The following TTBK1 variants were observed in gnomAD, a reference collection of about 807,000 sequenced individuals.
TTBK1 encodes the protein tau-tubulin kinase 1.
TTBK1 carries 34 observed loss-of-function variants against 108.5 expected under a neutral mutation model. That is an observed-to-expected ratio of 0.31 (90% CI 0.24 to 0.42). TTBK1 has a LOEUF of 0.42. Ranked by LOEUF, TTBK1 falls within the 10% of genes least tolerant of loss-of-function variation. The pLI is 1.00. For missense variants in TTBK1, 1,539 were observed against 1,826.0 expected (o/e 0.84, Z 2.86); for synonymous variants, 809 against 795.1 (o/e 1.02, Z -0.29).
Position 43,283,541 on chromosome 6 carries a change from C to T in TTBK1, c.2801C>T (p.Ala934Val), listed in dbSNP as rs1337399132. 2.5e-6 allele frequency: 4 copies of T among 1,614,118 alleles called. No homozygotes were observed. Among genetic ancestry groups the T allele is most frequent in the Admixed American group, 1.7e-5 (1 of 60,024 alleles). ...GTTGAGAGGACCTTTGTGCACATTGCGGAGAAAACCCACCTCAACGTCATG... is the reference window on the plus strand; with the variant it reads ...GTTGAGAGGACCTTTGTGCACATTGTGGAGAAAACCCACCTCAACGTCATG... ...TKVERTFVHI[A>V]EKTHLNVMSS... is the part of the protein sequence containing the mutation. Residue 934 changes from alanine to valine, a missense_variant, in exon 14 of 15, where the codon GCG becomes GTG. This residue lies in a region of TTBK1 where 1,055 missense variants were observed against 1,086.5 expected (regional missense o/e 0.97). Transcript: ENST00000259750. The surrounding 1 kb of genome is among the most constrained non-coding windows in gnomAD (Gnocchi z 8.1).
chr6:43,277,381 G>C (rs1467180188), intron 13 of TTBK1, among the ~76,000 whole-genome samples: 1 of 152,142 alleles, frequency 6.6e-6, no homozygotes, highest in Non-Finnish European at 1.5e-5. Flanking sequence ...ACTGGAGAGA[G>C]AGGGGAAAGG....
At position 43,263,472 on chromosome 6, in the gene TTBK1, A is replaced by G; in HGVS notation, c.1986+122A>G. 3 of 989,526 alleles carry G rather than the reference A, an allele frequency of 3.0e-6. No individual in the cohort carries two copies. Among genetic ancestry groups the G allele is most frequent in the South Asian group, 5.0e-5 (2 of 40,126 alleles). The allele number at this position is 989,526 out of a possible 1,614,324, so 61.3% of individuals were successfully genotyped here. Reference sequence around the variant, plus strand: ...GTAAGCCAGCAGTCACAGGGCTGTGATGGAGGTAGACAGGCTTAAGGGTCT... The same window carrying G: ...GTAAGCCAGCAGTCACAGGGCTGTGGTGGAGGTAGACAGGCTTAAGGGTCT... On this transcript the variant is annotated intron_variant, in intron 13 of 14. Transcript: ENST00000259750. This position sits in a 1 kb window ranked among gnomAD's most constrained non-coding sequence, Gnocchi z 4.7.
At position 43,259,254 on chromosome 6, in the gene TTBK1, G is replaced by T. The variant is rs1777462156; in HGVS notation, c.1233G>T (p.Arg411=). 2 of 1,554,090 alleles carry T rather than the reference G, an allele frequency of 1.3e-6. No individual in the cohort carries two copies. The highest frequency in any genetic ancestry group is 2.3e-5 in the East Asian group (1 of 44,078). The part of the protein sequence containing the change: ...EETDVNRNKL[R]INIGKSPCVE... ...CAGATGTCAACCGGAACAAACTCCG[G>T]ATCAACATCGGCAAAGTAACTGCCG... Residue 411 remains arginine (R), a synonymous_variant, in exon 11 of 15, where the codon CGG becomes CGT. Coordinates refer to ENST00000259750, the MANE Select transcript of TTBK1 (RefSeq NM_032538.3). The surrounding 1 kb of genome is among the most constrained non-coding windows in gnomAD (Gnocchi z 6.7).
intron 13 of TTBK1, among the ~76,000 whole-genome samples, chr6:43,266,447 G>A (rs1445373340): frequency 6.6e-6 from 1 of 152,174 alleles, no homozygotes; most frequent in Non-Finnish European, 1.5e-5. Context: ...CAACAACACT[G>A]TGAACAGGGA....
At chr6:43,281,420 G>A (rs1232922382) in intron 13 of TTBK1, among the ~76,000 whole-genome samples, 2 of 151,882 alleles carry the variant, frequency 1.3e-5, no homozygotes, top group Non-Finnish European at 1.5e-5. Flanking sequence ...TAAGGACTGT[G>A]GCAGCCATAG....
intron 13 of TTBK1, among the ~76,000 whole-genome samples, chr6:43,279,524 C>T (rs947551342): frequency 3.3e-5 from 5 of 152,060 alleles, no homozygotes; most frequent in African/African-American, 1.2e-4. Context: ...CAGCACCCAC[C>T]CACCCCATGG....
chr6:43,263,282 C>T lies in TTBK1; in HGVS notation c.1918C>T (p.His640Tyr). 1 of 1,525,148 alleles carries T rather than the reference C, an allele frequency of 6.6e-7. No individual in the cohort carries two copies. The highest frequency in any genetic ancestry group is 8.8e-7 in the Non-Finnish European group (1 of 1,133,716). 94.5% of individuals were successfully genotyped at this position (1,525,148 alleles called of 1,614,324 possible). A position where few individuals can be genotyped will look rare whatever the true frequency, so the allele number is the denominator to read the frequency against. The change falls in exon 13 of 15, where the codon CAC becomes TAC. Residue 640 changes from histidine (H) to tyrosine (Y), a missense_variant. By Grantham distance (83) the His-to-Tyr change is moderately conservative. Coordinates refer to ENST00000259750, the MANE Select transcript of TTBK1 (RefSeq NM_032538.3). This position sits in a 1 kb window ranked among gnomAD's most constrained non-coding sequence, Gnocchi z 4.7. ...SQPPTPGSPSHSPLHSGPRPR... is the reference protein window; with the variant it reads ...SQPPTPGSPSYSPLHSGPRPR... ...GCCCCCCACGCCTGGCAGCCCTTCC[C>T]ACTCACCCCTGCACTCGGGACCCCG...
In TTBK1 at chr6:43,269,852, G is replaced by T; in HGVS notation, c.1986+6502G>T. ...TGCGGGCGCCCCACCGGCGCCACGC[G>T]CCCCTCGCTGCTGGCAACCACAGAC... On this transcript the variant is annotated intron_variant, in intron 13 of 14. Coordinates refer to ENST00000259750, the MANE Select transcript of TTBK1 (RefSeq NM_032538.3). The surrounding 1 kb of genome is among the most constrained non-coding windows in gnomAD (Gnocchi z 4.8). 2.6e-6 allele frequency: 4 copies of T among 1,533,788 alleles called. No individual in the cohort carries two copies. Among genetic ancestry groups the T allele is most frequent in the Non-Finnish European group, 2.6e-6 (3 of 1,145,410 alleles).
At chr6:43,271,866 G>GGGCCCCCC in intron 13 of TTBK1, 1 of 979,726 alleles carries the variant, frequency 1.0e-6, no homozygotes. Flanking sequence ...TAATACTTGT[G>GGGCCCCCC]CCCCACCCCC....
rs1233063137 is a variant in TTBK1 at position 43,253,723 on chromosome 6, C to G, written c.471+15C>G. 3 of 1,606,322 alleles carry G rather than the reference C, an allele frequency of 1.9e-6. No homozygotes were observed. The highest frequency in any genetic ancestry group is 2.6e-6 in the Non-Finnish European group (3 of 1,175,838). ...ACATCAAGCCTGTGAGTACTGCCCC[C>G]ACACGCCTCTCTGTTCCCTCCTCCA... On this transcript the variant is annotated intron_variant, in intron 5 of 14. Coordinates refer to ENST00000259750, the MANE Select transcript of TTBK1 (RefSeq NM_032538.3). This position sits in a 1 kb window ranked among gnomAD's most constrained non-coding sequence, Gnocchi z 5.8.
intron 13 of TTBK1, among the ~76,000 whole-genome samples, chr6:43,267,427 C>T (rs1449937561): frequency 6.6e-6 from 1 of 152,130 alleles, no homozygotes; most frequent in Non-Finnish European, 1.5e-5. Context: ...CCCTCTTTCC[C>T]ACCACCTTTT....
intron 2 of TTBK1, 56 bp downstream of exon 2, chr6:43,246,824 C>T: frequency 6.9e-7 from 1 of 1,454,692 alleles, no homozygotes; most frequent in South Asian, 1.3e-5. Context: ...AGGCGAGGAC[C>T]TGGAGACTTG....
intron 13 of TTBK1, among the ~76,000 whole-genome samples, chr6:43,272,883 C>G (rs1006303684): frequency 1.5e-4 from 22 of 151,382 alleles, no homozygotes; most frequent in Non-Finnish European, 2.9e-5. Context: ...TTGGGGAAAG[C>G]GTGTAGCCTC....
chr6:43,282,631 G>A lies in TTBK1; in HGVS notation c.1987-96G>A, dbSNP rs1417852754. The A allele has an allele frequency of 6.8e-6, 7 of 1,022,976 alleles. No homozygotes were observed. The highest frequency in any genetic ancestry group is 1.0e-5 in the Non-Finnish European group (7 of 682,946). 63.4% of individuals were successfully genotyped at this position (1,022,976 alleles called of 1,614,324 possible). On this transcript the variant is annotated intron_variant, in intron 13 of 14. Coordinates refer to ENST00000259750, the MANE Select transcript of TTBK1 (RefSeq NM_032538.3). This position sits in a 1 kb window ranked among gnomAD's most constrained non-coding sequence, Gnocchi z 5.4. ...AGCTCACACTCTGGTAGACGACCTG[G>A]GCCTGTGAGTCTCCTAGGTTGTGGG...
chr6:43,277,539 C>G (rs182395475), intron 13 of TTBK1, among the ~76,000 whole-genome samples: 1 of 152,356 alleles, frequency 6.6e-6, no homozygotes, highest in African/African-American at 2.4e-5. Context: ...GCTGTCAGCT[C>G]CTCGCCCTGG....
Position 43,282,785 on chromosome 6 carries a change from G to A in TTBK1, c.2045G>A (p.Ser682Asn). 1 of 1,613,936 alleles carries A rather than the reference G, an allele frequency of 6.2e-7. No homozygotes were observed. The highest frequency in any genetic ancestry group is 8.5e-7 in the Non-Finnish European group (1 of 1,179,968). ...GGCCTCCCACGAGCTGTGCCTCTGA[G>A]TCTGCCCTACCAGGACTTCAAAAGA... ...VNGLPRAVPL[S>N]LPYQDFKRDL... The change falls in exon 14 of 15, where the codon AGT becomes AAT. Residue 682 changes from serine (S) to asparagine (N), a missense_variant. Around this residue, in one of 5 missense-constraint regions of TTBK1, gnomAD observed 1,055 missense variants for 1,086.5 expected, o/e 0.97. Transcript: ENST00000259750. This position sits in a 1 kb window ranked among gnomAD's most constrained non-coding sequence, Gnocchi z 5.4.
chr6:43,282,288 C>T lies in TTBK1; in HGVS notation c.1987-439C>T, dbSNP rs1170263464. On this transcript the variant is annotated intron_variant, in intron 13 of 14. Coordinates refer to ENST00000259750, the MANE Select transcript of TTBK1 (RefSeq NM_032538.3). This position sits in a 1 kb window ranked among gnomAD's most constrained non-coding sequence, Gnocchi z 5.4. The stretch of plus-strand genomic sequence containing the variant: ...AAGTGGCACAGATACTTGCCGCCGT[C>T]TCTGGACCTGGCTTTCTCATCTGTA... Among the ~76,000 whole-genome samples the T allele has an allele frequency of 2.0e-5, 3 of 152,250 alleles. No individual in the cohort carries two copies. The highest frequency in any genetic ancestry group is 1.5e-5 in the Non-Finnish European group (1 of 68,050).
chr6:43,253,432 A>T lies in TTBK1; in HGVS notation c.330+68A>T. The T allele has an allele frequency of 6.2e-7, 1 of 1,604,930 alleles. No homozygotes were observed. The highest frequency in any genetic ancestry group is 8.5e-7 in the Non-Finnish European group (1 of 1,173,678). ...TGGGCTGTGACTCCAGGGTAGGGGA[A>T]GGGAAGGTAGACTGTGGCCCTGGGA... On this transcript the variant is annotated intron_variant, in intron 4 of 14. Coordinates refer to ENST00000259750, the MANE Select transcript of TTBK1 (RefSeq NM_032538.3). The surrounding 1 kb of genome is among the most constrained non-coding windows in gnomAD (Gnocchi z 5.8).
rs1489269613 is a variant in TTBK1 at position 43,285,127 on chromosome 6, A to C, written c.3717A>C (p.Thr1239=). ...GCAGCCCGCGCCTCCCCGCGTCCAC[A>C]TCCGCCGCGCGCAATGCCAGCGCGT... ...APRSPRLPAS[T]SAARNASASP... is the part of the protein sequence containing the mutation. The change falls in exon 15 of 15, where the codon ACA becomes ACC. Residue 1239 remains threonine (T), a synonymous_variant. Transcript: ENST00000259750. The surrounding 1 kb of genome is among the most constrained non-coding windows in gnomAD (Gnocchi z 4.7). The C allele has an allele frequency of 2.1e-6, 3 of 1,457,606 alleles. No homozygotes were observed. In the African/African-American group the frequency reaches 4.5e-5, roughly 22 times the overall value. The allele number at this position is 1,457,606 out of a possible 1,614,324, so 90.3% of individuals were successfully genotyped here. A position where few individuals can be genotyped will look rare whatever the true frequency, so the allele number is the denominator to read the frequency against.
Sources: allele counts gnomAD v4.1 joint callset (sites outside exome capture counted in the v4.1 genomes callset), GRCh38; gene constraint gnomAD v4.1.1; regional missense constraint gnomAD v4.1.1; non-coding constraint Gnocchi (gnomAD v3.1); transcripts MANE v1.5; gene names NCBI Gene and HGNC (gene_info 2026-07-23, HGNC 2026-07-21).